Variants in ROBO2 observed in about 807,000 individuals in gnomAD.
ROBO2 encodes the protein roundabout guidance receptor 2.
ROBO2 carries 53 observed loss-of-function variants against 160.8 expected under a neutral mutation model. That is an observed-to-expected ratio of 0.33 (90% CI 0.26 to 0.41). The LOEUF (loss-of-function observed/expected upper bound fraction) is 0.41. ROBO2 is among the 10% of genes least tolerant of loss of function. The pLI is 1.00. For missense variants in ROBO2, 1,577 were observed against 1,722.4 expected (o/e 0.92, Z 1.49); for synonymous variants, 664 against 611.7 (o/e 1.09, Z -1.26).
At chr3:76,988,418 A>C (rs2060498880) in intron 2 of ROBO2, among the ~76,000 whole-genome samples, 1 of 152,206 alleles carries the variant, frequency 6.6e-6, no homozygotes, top group African/African-American at 2.4e-5. Flanking sequence ...GAGCTCTATC[A>C]ATAATTTATA....
intron 21 of ROBO2, among the ~76,000 whole-genome samples, chr3:77,610,741 C>CAAAAAAAAAAAAAAAAAAAAAA (rs71629658): frequency 1.3e-3 from 25 of 19,822 alleles, no homozygotes; most frequent in East Asian, 4.3e-3. Context: ...GGCCAAAGAC[C>CAAAAAAAAAAAAAAAAAAAAAA]AAAAAAAAAA....
intron 2 of ROBO2, among the ~76,000 whole-genome samples, chr3:76,825,110 C>T (rs1473606633): frequency 6.6e-6 from 1 of 152,114 alleles, no homozygotes; most frequent in Non-Finnish European, 1.5e-5. Flanking sequence ...TAAATCACAC[C>T]AGAACGTGTA....
chr3:76,584,346 T>G (rs2085896585), intron 2 of ROBO2, among the ~76,000 whole-genome samples: 1 of 152,068 alleles, frequency 6.6e-6, no homozygotes, highest in Admixed American at 6.6e-5. Flanking sequence ...GAATCATATA[T>G]TGAAGTCTCA....
At chr3:76,955,007 A>G (rs891722478) in intron 2 of ROBO2, among the ~76,000 whole-genome samples, 2 of 152,136 alleles carry the variant, frequency 1.3e-5, no homozygotes, top group Non-Finnish European at 2.9e-5. Flanking sequence ...AACTTTACCC[A>G]TTAGGTAGTA....
chr3:77,285,199 C>T (rs2060498761), intron 2 of ROBO2, among the ~76,000 whole-genome samples: 1 of 152,140 alleles, frequency 6.6e-6, no homozygotes, highest in Non-Finnish European at 1.5e-5. Flanking sequence ...TACCGGTCTT[C>T]TTGTGGGTAT....
chr3:77,568,489 A>G, intron 13 of ROBO2, 55 bp downstream of exon 14: 8 of 1,602,654 alleles, frequency 5.0e-6, no homozygotes, highest in Admixed American at 1.7e-5. Context: ...GGAAAGCAAA[A>G]CATGGAAAAT....
chr3:77,072,831 C>A (rs773671107), intron 1 of ROBO2, among the ~76,000 whole-genome samples: 2 of 152,106 alleles, frequency 1.3e-5, no homozygotes, highest in Non-Finnish European at 1.5e-5. Flanking sequence ...GTGGTTACGT[C>A]TTATATTAAT....
intron 2 of ROBO2, among the ~76,000 whole-genome samples, chr3:77,117,229 CAT>C (rs1332617167): frequency 6.6e-6 from 1 of 151,956 alleles, no homozygotes; most frequent in African/African-American, 2.4e-5. Context: ...AACAATGTGA[CAT>C]ATAAAAATAA....
intron 2 of ROBO2, among the ~76,000 whole-genome samples, chr3:76,929,920 A>G (rs2077230879): frequency 6.6e-6 from 1 of 152,120 alleles, no homozygotes; most frequent in African/African-American, 2.4e-5. Flanking sequence ...TTCTGACTTT[A>G]TCTTTTACTG....
chr3:76,141,361 AG>A (rs2071663191), intron 2 of ROBO2, among the ~76,000 whole-genome samples: 1 of 150,490 alleles, frequency 6.6e-6, no homozygotes, highest in Non-Finnish European at 1.5e-5. Flanking sequence ...GAAATGTGTG[AG>A]AAAAAAACTT....
intron 19 of ROBO2, 119 bp downstream of exon 20, chr3:77,596,869 C>A: frequency 8.5e-7 from 1 of 1,178,838 alleles, no homozygotes. Flanking sequence ...TAATTAAAAT[C>A]AATGAAACAT....
chr3:76,819,037 T>C (rs1387583532), intron 2 of ROBO2, among the ~76,000 whole-genome samples: 4 of 152,124 alleles, frequency 2.6e-5, no homozygotes, highest in Non-Finnish European at 4.4e-5. Flanking sequence ...AAGGCTTTCA[T>C]TGATCTTAGG....
chr3:76,820,651 T>C (rs1446227019), intron 2 of ROBO2, among the ~76,000 whole-genome samples: 1 of 151,926 alleles, frequency 6.6e-6, no homozygotes, highest in African/African-American at 2.4e-5. Flanking sequence ...GAAATTCCAG[T>C]GGGTAATAGA....
intron 2 of ROBO2, among the ~76,000 whole-genome samples, chr3:77,239,419 A>C (rs2088613945): frequency 6.6e-6 from 1 of 152,172 alleles, no homozygotes; most frequent in African/African-American, 2.4e-5. Context: ...GTTACAACTC[A>C]TAAAGGCAGT....
chr3:77,302,190 C>A (rs935945014), intron 2 of ROBO2, among the ~76,000 whole-genome samples: 2 of 151,930 alleles, frequency 1.3e-5, no homozygotes, highest in African/African-American at 4.8e-5. Context: ...GATCCTCCTG[C>A]CTTGGCCTCC....
rs556545617 is a variant in ROBO2, at chr3:77,227,154, A to G, written c.388+128814A>G. 1.9e-4 allele frequency among the ~76,000 whole-genome samples: 29 copies of G among 152,264 alleles called. 1 individual carries two copies. Among genetic ancestry groups the G allele is most frequent in the African/African-American group, 6.3e-4 (26 of 41,582 alleles). On this transcript the variant is annotated intron_variant, in intron 2 of 25. Transcript: ENST00000461745. ...GATTTTCTTTTTTTTGTAGTGCACAAAGGTACCTTTTCTTAGTAGTTAAGT... is the reference window on the plus strand; with the variant it reads ...GATTTTCTTTTTTTTGTAGTGCACAGAGGTACCTTTTCTTAGTAGTTAAGT...
intron 2 of ROBO2, among the ~76,000 whole-genome samples, chr3:76,097,509 A>G (rs573489633): frequency 1.4e-4 from 22 of 152,148 alleles, no homozygotes; most frequent in Non-Finnish European, 2.6e-4. Context: ...TAAGGAGACT[A>G]ATGAGTATTG....
At chr3:76,233,632 G>C (rs983166274) in intron 2 of ROBO2, among the ~76,000 whole-genome samples, 2 of 152,232 alleles carry the variant, frequency 1.3e-5, no homozygotes, top group East Asian at 3.9e-4. Flanking sequence ...TCTTACCACT[G>C]TCTACTCATT....
chr3:77,295,440 A>C (rs2061955616), intron 2 of ROBO2, among the ~76,000 whole-genome samples: 1 of 150,190 alleles, frequency 6.7e-6, no homozygotes, highest in South Asian at 2.1e-4. Context: ...TTGAGGCTAG[A>C]ACAGTAAAGA....
Sources: allele counts gnomAD v4.1 joint callset (sites outside exome capture counted in the v4.1 genomes callset), GRCh38; gene constraint gnomAD v4.1.1; transcripts MANE v1.5; gene names NCBI Gene and HGNC (gene_info 2026-07-23, HGNC 2026-07-21).